The following SH3KBP1 variants were observed in gnomAD, a reference collection of about 807,000 sequenced individuals.
SH3KBP1 encodes SH3 domain containing kinase binding protein 1, also known as SH3 domain-containing kinase-binding protein 1.
In SH3KBP1, 8 loss-of-function variants were observed where a neutral mutation model predicts 50.1. The ratio of observed to expected loss-of-function variants is 0.16; its 90% CI spans 0.09 to 0.29. The LOEUF (loss-of-function observed/expected upper bound fraction) is 0.29, where lower values mean the gene tolerates loss of function less well. SH3KBP1 is among the 10% of genes least tolerant of loss of function. SH3KBP1 has a pLI of 1.00. For synonymous variants in SH3KBP1, 227 were observed against 218.6 expected, an observed-to-expected ratio of 1.04 and a Z score of -0.34; for missense variants, 377 against 535.2, an observed-to-expected ratio of 0.70 and a Z score of 2.92.
chrX:19,661,720 G>T (rs750337634), intron 6 of SH3KBP1, among the ~76,000 whole-genome samples: 2 of 103,318 alleles, frequency 1.9e-5, no homozygotes, highest in East Asian at 3.1e-4. Flanking sequence ...TCCGCCTCCC[G>T]GGTTCAAACA....
In SH3KBP1 at chrX:19,620,906, A is replaced by G. The variant is rs184771567; in HGVS notation, c.897+10958T>C. Reference sequence around the variant, plus strand: ...GGATTGTGTTTTTGGTATCATGTCTAACAACTCTTTTCTCCAGTGTTTCAT... The same window carrying G: ...GGATTGTGTTTTTGGTATCATGTCTGACAACTCTTTTCTCCAGTGTTTCAT... On this transcript the variant is annotated intron_variant, in intron 8 of 17. Coordinates refer to ENST00000397821, the MANE Select transcript of SH3KBP1 (RefSeq NM_031892.3). 2.8e-4 allele frequency among the ~76,000 whole-genome samples: 31 copies of G among 110,702 alleles called. No individual in the cohort carries two copies. In the East Asian group the frequency reaches 8.1e-3, roughly 29 times the overall value.
At chrX:19,785,043 A>G (rs1569471020) in intron 2 of SH3KBP1, among the ~76,000 whole-genome samples, 1 of 110,836 alleles carries the variant, frequency 9.0e-6, no homozygotes, top group Non-Finnish European at 1.9e-5. Context: ...TCCTCCAACA[A>G]ATACATACAC....
rs1370438996 is a variant in SH3KBP1, at chrX:19,643,319, TTTA to T, written c.802+2078_802+2080del. ...TGAAGAATTTTTTATTTTTTTTTTT[TTTA>T]TTTTTTTTTTTTTTTGAGACAGGGT... is the stretch of plus-strand genomic sequence containing the variant. On this transcript the variant is annotated intron_variant, in intron 7 of 17. Transcript: ENST00000397821. 1.2e-3 allele frequency among the ~76,000 whole-genome samples: 106 copies of T among 86,948 alleles called. 11 individuals are homozygous for T. The highest frequency in any genetic ancestry group is 5.2e-3 in the African/African-American group (81 of 15,523). The allele number at this position is 86,948 out of a possible 115,157, so 75.5% of individuals were successfully genotyped here.
intron 15 of SH3KBP1, among the ~76,000 whole-genome samples, chrX:19,545,675 T>C (rs1475130158): frequency 2.7e-5 from 3 of 111,925 alleles, no homozygotes; most frequent in Non-Finnish European, 5.6e-5. Flanking sequence ...GTGTGTGTGA[T>C]GGTATGAAGA....
intron 6 of SH3KBP1, among the ~76,000 whole-genome samples, chrX:19,665,666 C>T (rs2062579884): frequency 1.8e-5 from 2 of 111,971 alleles, no homozygotes; most frequent in Admixed American, 9.5e-5. Context: ...CATCCTGTAG[C>T]TTTTAAATGG....
At chrX:19,689,665 T>C (rs1020979604) in intron 5 of SH3KBP1, among the ~76,000 whole-genome samples, 1 of 112,208 alleles carries the variant, frequency 8.9e-6, no homozygotes, top group Non-Finnish European at 1.9e-5. Context: ...ATGAGTGACG[T>C]TGATCTTACT....
chrX:19,661,552 CTTTTT>C (rs772898760), intron 6 of SH3KBP1, among the ~76,000 whole-genome samples: 2 of 67,076 alleles, frequency 3.0e-5, no homozygotes, highest in African/African-American at 5.3e-5. Context: ...TAGCTTTTTA[CTTTTT>C]TTTTTTTTTT....
intron 4 of SH3KBP1, among the ~76,000 whole-genome samples, chrX:19,698,918 G>A (rs1040496836): frequency 1.8e-5 from 2 of 110,234 alleles, no homozygotes; most frequent in Non-Finnish European, 3.8e-5. Context: ...TGAATGAATG[G>A]CAGAGACATT....
chrX:19,848,800 G>T (rs963526151), intron 1 of SH3KBP1, among the ~76,000 whole-genome samples: 1 of 110,882 alleles, frequency 9.0e-6, no homozygotes, highest in African/African-American at 3.3e-5. Flanking sequence ...TTGAGACAGG[G>T]TCTCACTCTG....
chrX:19,542,342 G>C lies in SH3KBP1; in HGVS notation c.1624-149C>G, dbSNP rs761800531. On this transcript the variant is annotated intron_variant, in intron 15 of 17. Coordinates refer to ENST00000397821, the MANE Select transcript of SH3KBP1 (RefSeq NM_031892.3). The stretch of plus-strand genomic sequence containing the variant: ...TGTTCCTTCATCCACAAGCCACCAA[G>C]GGCCTGCTTGGTACAGGCATTTCCC... The C allele has an allele frequency of 1.5e-4, 83 of 540,718 alleles. No individual in the cohort carries two copies. In the African/African-American group the frequency reaches 1.9e-3, roughly 12 times the overall value. 44.6% of individuals were successfully genotyped at this position (540,718 alleles called of 1,213,427 possible).
rs1164729263 is a variant in SH3KBP1 at position 19,748,043 on chromosome X, T to C, written c.163-1602A>G. 3.6e-5 allele frequency among the ~76,000 whole-genome samples: 4 copies of C among 112,315 alleles called. No homozygotes were observed. The Admixed American group carries it at 3.8e-4, about 11-fold the overall frequency. On this transcript the variant is annotated intron_variant, in intron 2 of 17. Coordinates refer to ENST00000397821, the MANE Select transcript of SH3KBP1 (RefSeq NM_031892.3). The stretch of plus-strand genomic sequence containing the variant: ...CTTGGTGATGGCTGCCAGCCTGCTC[T>C]GGCTCTGAAAGTAAAGACAACAAGC...
At chrX:19,777,938 G>C (rs1356515094) in intron 2 of SH3KBP1, among the ~76,000 whole-genome samples, 1 of 111,101 alleles carries the variant, frequency 9.0e-6, no homozygotes, top group African/African-American at 3.3e-5. Context: ...TCACCACCCA[G>C]AGAAACAAAA....
At chrX:19,611,896 G>T (rs1333419861) in intron 8 of SH3KBP1, among the ~76,000 whole-genome samples, 1 of 98,819 alleles carries the variant, frequency 1.0e-5, no homozygotes, top group Non-Finnish European at 2.0e-5. Flanking sequence ...GTCCATGGAT[G>T]AGATAAGTAC....
At chrX:19,703,604 T>G (rs939493989) in intron 4 of SH3KBP1, among the ~76,000 whole-genome samples, 3 of 111,169 alleles carry the variant, frequency 2.7e-5, no homozygotes, top group Non-Finnish European at 5.7e-5. Flanking sequence ...TTTAGGACTT[T>G]AGGATTCTCT....
Position 19,535,352 on chromosome X carries a change from C to T in SH3KBP1, c.*1065G>A, listed in dbSNP as rs183233446. ...TGACATTATGTGAATACAGTTTAAA[C>T]GATAACACACACGGGTAACCCAGTG... On this transcript the variant is annotated 3_prime_UTR_variant, in exon 18 of 18. Coordinates refer to ENST00000397821, the MANE Select transcript of SH3KBP1 (RefSeq NM_031892.3). 11 of 164,728 alleles carry T rather than the reference C, an allele frequency of 6.7e-5. No homozygotes were observed. In the East Asian group the frequency reaches 7.5e-4, roughly 11 times the overall value. The allele number at this position is 164,728 out of a possible 1,213,427, so 13.6% of individuals were successfully genotyped here.
intron 4 of SH3KBP1, among the ~76,000 whole-genome samples, chrX:19,702,680 G>A (rs2063558181): frequency 9.1e-6 from 1 of 109,502 alleles, no homozygotes; most frequent in East Asian, 2.9e-4. Context: ...AAAACAAAAC[G>A]AAACAACAAC....
chrX:19,774,543 C>T (rs1237174984), intron 2 of SH3KBP1, among the ~76,000 whole-genome samples: 4 of 108,370 alleles, frequency 3.7e-5, no homozygotes, highest in African/African-American at 1.3e-4. Flanking sequence ...TGGTGGCAGG[C>T]GCCAGGAGTC....
chrX:19,689,308 T>C (rs1282699613), intron 5 of SH3KBP1, among the ~76,000 whole-genome samples: 1 of 112,077 alleles, frequency 8.9e-6, no homozygotes, highest in Admixed American at 9.4e-5. Context: ...CCATTACTCC[T>C]CAGAACACAG....
intron 8 of SH3KBP1, among the ~76,000 whole-genome samples, chrX:19,618,999 G>A (rs2067716797): frequency 9.3e-6 from 1 of 107,496 alleles, no homozygotes; most frequent in Admixed American, 1.0e-4. Context: ...AAATCGGGCA[G>A]GAGCGGTGAC....
Sources: gnomAD v4.1 joint callset for allele counts (sites outside exome capture counted in the v4.1 genomes callset) on GRCh38, gnomAD v4.1.1 for gene constraint, MANE v1.5 for transcripts, NCBI Gene and HGNC (gene_info 2026-07-23, HGNC 2026-07-21) for gene names.